Variants in MAP3K1 observed in about 807,000 individuals in gnomAD.
The protein encoded by MAP3K1 is mitogen-activated protein kinase kinase kinase 1.
A neutral mutation model predicts 144.2 loss-of-function variants in MAP3K1; 36 were observed. The observed-to-expected ratio is 0.25, with a 90% CI of 0.19 to 0.33. The LOEUF is 0.33. Among genes scored for constraint, MAP3K1 ranks in the 10% least tolerant of loss-of-function variants. MAP3K1 has a pLI of 1.00. For missense variants in MAP3K1, 1,650 were observed against 1,881.9 expected (o/e 0.88, Z 2.28); for synonymous variants, 718 against 688.7 (o/e 1.04, Z -0.67).
chr5:56,888,539 C>G (rs904329576), intron 19 of MAP3K1, among the ~76,000 whole-genome samples, 182 bp downstream of exon 19: 9 of 152,148 alleles, frequency 5.9e-5, no homozygotes, highest in African/African-American at 2.2e-4. Context: ...AAAAGCAATA[C>G]AAATTTGGTA....
At chr5:56,822,586 C>T (rs1746185895) in intron 1 of MAP3K1, among the ~76,000 whole-genome samples, 1 of 152,212 alleles carries the variant, frequency 6.6e-6, no homozygotes, top group Non-Finnish European at 1.5e-5. Flanking sequence ...TTCTCTTGAA[C>T]ATTGATACTG....
In MAP3K1 at chr5:56,865,414, T is replaced by G. The variant is rs1203526271; in HGVS notation, c.1110T>G (p.Pro370=). The change falls in exon 5 of 20, where the codon CCT becomes CCG. Residue 370 remains proline, a synonymous_variant. Coordinates refer to ENST00000399503, the MANE Select transcript of MAP3K1 (RefSeq NM_005921.2). ...TGCTCCGGGTGTTTCAACTAGAACC[T>G]TCAGACCCAATGTTATGGAGAAAAA... is the stretch of plus-strand genomic sequence containing the variant. ...FVMLRVFQLE[P]SDPMLWRKTL... is the part of the protein sequence containing the mutation. 6.2e-7 allele frequency: 1 copy of G among 1,610,948 alleles called. No individual in the cohort carries two copies. The highest frequency in any genetic ancestry group is 2.2e-5 in the East Asian group (1 of 44,774).
rs757245131 is a variant in MAP3K1, at chr5:56,881,696, T to C, written c.2496T>C (p.His832=). 5 of 1,614,150 alleles carry C rather than the reference T, an allele frequency of 3.1e-6. No individual in the cohort carries two copies. Among genetic ancestry groups the C allele is most frequent in the Non-Finnish European group, 4.2e-6 (5 of 1,179,984 alleles). Residue 832 remains histidine (H), a synonymous_variant, in exon 14 of 20, where the codon CAT becomes CAC. Transcript: ENST00000399503. The part of the protein sequence containing the change: ...SSARMVTTVP[H]VFSKLLEMLS... Reference sequence around the variant, plus strand: ...CAAGAATGGTTACTACAGTACCCCATGTGTTTTCAAAACTGTTAGAAATGC... The same window carrying C: ...CAAGAATGGTTACTACAGTACCCCACGTGTTTTCAAAACTGTTAGAAATGC...
rs545603657 is a variant in MAP3K1, at chr5:56,893,697, A to G, written c.*17A>G. On this transcript the variant is annotated 3_prime_UTR_variant, in exon 20 of 20. Coordinates refer to ENST00000399503, the MANE Select transcript of MAP3K1 (RefSeq NM_005921.2). ...ACATGGTAGCCAATTATGCAGATCAACTACAGTAGAAACAGGATGCTCAAC... is the reference window on the plus strand; with the variant it reads ...ACATGGTAGCCAATTATGCAGATCAGCTACAGTAGAAACAGGATGCTCAAC... The G allele has an allele frequency of 2.5e-6, 4 of 1,613,354 alleles. No individual in the cohort carries two copies. In the South Asian group the frequency reaches 3.3e-5, roughly 13 times the overall value.
At position 56,865,378 on chromosome 5, in the gene MAP3K1, G is replaced by T; in HGVS notation, c.1074G>T (p.Leu358=). The T allele has an allele frequency of 6.2e-7, 1 of 1,611,330 alleles. No individual in the cohort carries two copies. Among genetic ancestry groups the T allele is most frequent in the Non-Finnish European group, 8.5e-7 (1 of 1,177,716 alleles). ...SCARGTFCIH[L]LFVMLRVFQL... ...CACGTGGAACATTCTGTATTCATCT[G>T]CTATTTGTGATGCTCCGGGTGTTTC... Residue 358 remains leucine, a synonymous_variant, in exon 5 of 20, where the codon CTG becomes CTT. Coordinates refer to ENST00000399503, the MANE Select transcript of MAP3K1 (RefSeq NM_005921.2).
rs1441445668 is a variant in MAP3K1, at chr5:56,886,094, C to T, written c.4114+31C>T. On this transcript the variant is annotated intron_variant, in intron 17 of 19. Transcript: ENST00000399503. ...AATTCTTCTAATTATTATCTAGTGA[C>T]AATAAAAAAATTAATTTTAAAATTT... is the stretch of plus-strand genomic sequence containing the variant. The T allele has an allele frequency of 1.9e-6, 3 of 1,583,778 alleles. No individual in the cohort carries two copies. In the South Asian group the frequency reaches 3.3e-5, roughly 18 times the overall value.
chr5:56,856,527 C>T (rs1747348298), intron 1 of MAP3K1, 73 bp from the exon 2 acceptor site: 1 of 1,258,012 alleles, frequency 7.9e-7, no homozygotes, highest in South Asian at 1.2e-5. Flanking sequence ...TAGAACCATC[C>T]ATTCTGTTTG....
In MAP3K1 at chr5:56,884,810, C is replaced by T. The variant is rs757776841; in HGVS notation, c.3966C>T (p.Phe1322=). ...GTGAGAAGAGCAATTACAATCTCTT[C>T]ATTGAATGGATGGCAGGTATGTTAA... ...ATCEKSNYNL[F]IEWMAGGSVA... Residue 1322 remains phenylalanine, a synonymous_variant, in exon 16 of 20, where the codon TTC becomes TTT. Coordinates refer to ENST00000399503, the MANE Select transcript of MAP3K1 (RefSeq NM_005921.2). The T allele has an allele frequency of 4.3e-6, 7 of 1,613,474 alleles. No homozygotes were observed. The highest frequency in any genetic ancestry group is 4.0e-5 in the African/African-American group (3 of 74,894).
At chr5:56,883,040 A>G (rs1306063286) in intron 14 of MAP3K1, among the ~76,000 whole-genome samples, 174 bp downstream of exon 14, 1 of 152,136 alleles carries the variant, frequency 6.6e-6, no homozygotes, top group Non-Finnish European at 1.5e-5. Context: ...AATTTTAAAA[A>G]TTAGCCAGGC....
At chr5:56,889,890 C>A (rs1748494886) in intron 19 of MAP3K1, among the ~76,000 whole-genome samples, 1 of 151,934 alleles carries the variant, frequency 6.6e-6, no homozygotes, top group Admixed American at 6.6e-5. Flanking sequence ...TATTATATAA[C>A]CTCCTCAGTC....
intron 1 of MAP3K1, chr5:56,842,287 T>C (rs1438857564): frequency 2.0e-5 from 3 of 152,246 alleles, no homozygotes; most frequent in African/African-American, 7.2e-5. Flanking sequence ...GAAGTTATAA[T>C]AACAGCATAG....
At position 56,881,902 on chromosome 5, in the gene MAP3K1, C is replaced by G. The variant is rs375363156; in HGVS notation, c.2702C>G (p.Ser901Cys). ...NNYLETTENS[S>C]PECTVHLEKT... ...TATCTGGAAACCACAGAGAACAGTT[C>G]CCCTGAGTGCACAGTCCATTTAGAG... is the stretch of plus-strand genomic sequence containing the variant. The change falls in exon 14 of 20, where the codon TCC becomes TGC. Residue 901 changes from serine to cysteine, a missense_variant. By Grantham distance (112) the Ser-to-Cys change is moderately radical. Transcript: ENST00000399503. 5.6e-6 allele frequency: 9 copies of G among 1,613,948 alleles called. No individual in the cohort carries two copies. In the Admixed American group the frequency reaches 1.2e-4, roughly 21 times the overall value.
At chr5:56,825,174 T>C (rs917351183) in intron 1 of MAP3K1, among the ~76,000 whole-genome samples, 3 of 152,032 alleles carry the variant, frequency 2.0e-5, no homozygotes, top group East Asian at 3.9e-4. Flanking sequence ...CTTCCAACTT[T>C]TTAAATTTTT....
chr5:56,856,469 GT>G, intron 1 of MAP3K1, 130 bp from the exon 2 acceptor site: 1 of 771,510 alleles, frequency 1.3e-6, no homozygotes, highest in South Asian at 1.7e-5. Flanking sequence ...GTCATTTGGG[GT>G]TTTTAGCAGT....
At chr5:56,853,481 A>G (rs1747239594) in intron 1 of MAP3K1, among the ~76,000 whole-genome samples, 1 of 152,202 alleles carries the variant, frequency 6.6e-6, no homozygotes, top group African/African-American at 2.4e-5. Context: ...CACTTAATAT[A>G]TGTTCATACT....
chr5:56,888,685 A>G (rs562424310), intron 19 of MAP3K1, among the ~76,000 whole-genome samples: 267 of 152,348 alleles, frequency 1.8e-3, no homozygotes, highest in Non-Finnish European at 1.9e-3. Context: ...CCAATACTCT[A>G]TAGTGGACTG....
intron 3 of MAP3K1, among the ~76,000 whole-genome samples, chr5:56,863,748 C>T (rs1426255911): frequency 6.6e-6 from 1 of 152,196 alleles, no homozygotes; most frequent in Non-Finnish European, 1.5e-5. Context: ...ATTCTGCCAG[C>T]ACTATATGAG....
intron 1 of MAP3K1, among the ~76,000 whole-genome samples, chr5:56,854,432 C>A (rs200985829): frequency 1.9e-3 from 161 of 85,248 alleles, no homozygotes; most frequent in East Asian, 2.6e-3. Flanking sequence ...AACTCCATCT[C>A]AAAAAAAAAA....
At chr5:56,868,677 C>T (rs1398620956) in intron 6 of MAP3K1, among the ~76,000 whole-genome samples, 1 of 152,178 alleles carries the variant, frequency 6.6e-6, no homozygotes, top group African/African-American at 2.4e-5. Context: ...AGCCACCGCG[C>T]CCGGCCGTAA....
Sources: allele counts gnomAD v4.1 joint callset (sites outside exome capture counted in the v4.1 genomes callset), GRCh38; gene constraint gnomAD v4.1.1; transcripts MANE v1.5; gene names NCBI Gene and HGNC (gene_info 2026-07-23, HGNC 2026-07-21).